The following TAFA2 variants were observed in gnomAD, a reference collection of about 807,000 sequenced individuals.
The protein encoded by TAFA2 is chemokine-like protein TAFA-2.
Under a neutral mutation model 18.8 loss-of-function variants are expected in TAFA2, and 7 were observed. The ratio of observed to expected loss-of-function variants is 0.37; its 90% CI spans 0.21 to 0.70. The LOEUF is 0.70. Among genes scored for constraint, TAFA2 ranks in the 30% least tolerant of loss-of-function variants. TAFA2 has a pLI of 0.53. For synonymous variants in TAFA2, 60 were observed against 54.2 expected (o/e 1.11, Z -0.47); for missense variants, 122 against 158.1 (o/e 0.77, Z 1.23).
intron 1 of TAFA2, among the ~76,000 whole-genome samples, chr12:62,040,902 C>A (rs1881739376): frequency 6.6e-6 from 1 of 152,108 alleles, no homozygotes. Flanking sequence ...TCTAAAATGA[C>A]CTTTCTGGTC....
At chr12:61,915,546 G>A (rs576110603) in intron 1 of TAFA2, among the ~76,000 whole-genome samples, 278 of 152,256 alleles carry the variant, frequency 1.8e-3, no homozygotes, top group African/African-American at 4.8e-3. Flanking sequence ...CGGCCAAGAG[G>A]TCTCACAATA....
At chr12:62,223,077 A>G (rs1025183989) in intron 1 of TAFA2, among the ~76,000 whole-genome samples, 1 of 152,252 alleles carries the variant, frequency 6.6e-6, no homozygotes, top group Non-Finnish European at 1.5e-5. Context: ...ATTAAAATAT[A>G]AAGTTTTCTT....
upstream of TAFA2, chr12:62,258,945 A>G (rs1036040679): frequency 5.5e-6 from 1 of 182,000 alleles, no homozygotes; most frequent in African/African-American, 2.4e-5. Context: ...GCAGTCACTG[A>G]AAGTTGTTTT....
chr12:61,744,313 C>T (rs1029471094), intron 4 of TAFA2, among the ~76,000 whole-genome samples: 16 of 152,078 alleles, frequency 1.1e-4, no homozygotes, highest in African/African-American at 3.9e-4. Flanking sequence ...TACAGATTAA[C>T]ACCTGGCTCA....
At chr12:61,991,047 A>G (rs186409328) in intron 1 of TAFA2, among the ~76,000 whole-genome samples, 4 of 152,350 alleles carry the variant, frequency 2.6e-5, no homozygotes, top group African/African-American at 7.2e-5. Flanking sequence ...TTAGAAGACA[A>G]TAAACTGAGA....
At chr12:62,079,015 A>G (rs1472430991) in intron 1 of TAFA2, among the ~76,000 whole-genome samples, 3 of 152,290 alleles carry the variant, frequency 2.0e-5, no homozygotes, top group Admixed American at 1.3e-4. Context: ...CTTAAAAACA[A>G]TTCTTTAGCT....
intron 4 of TAFA2, among the ~76,000 whole-genome samples, chr12:61,748,190 T>C (rs1259940576): frequency 6.6e-6 from 1 of 152,076 alleles, no homozygotes; most frequent in Admixed American, 6.6e-5. Flanking sequence ...AATCAAAACA[T>C]TATAATGCAA....
chr12:62,237,950 C>T (rs747951897), intron 1 of TAFA2, among the ~76,000 whole-genome samples: 8 of 152,214 alleles, frequency 5.3e-5, no homozygotes, highest in Non-Finnish European at 1.0e-4. Context: ...GCTTTTACGT[C>T]TCTGGCTGAG....
chr12:61,968,383 T>C (rs1258423344), intron 1 of TAFA2, among the ~76,000 whole-genome samples: 1 of 151,798 alleles, frequency 6.6e-6, no homozygotes, highest in African/African-American at 2.4e-5. Flanking sequence ...ATATGAATTG[T>C]AGTATAATAA....
chr12:62,116,616 T>C (rs976129811), intron 1 of TAFA2, among the ~76,000 whole-genome samples: 4 of 146,096 alleles, frequency 2.7e-5, no homozygotes, highest in Admixed American at 2.0e-4. Context: ...TTTCCTCTAA[T>C]TTTGGGTCTT....
intron 1 of TAFA2, among the ~76,000 whole-genome samples, chr12:62,181,153 CT>C (rs1196614113): frequency 1.3e-5 from 2 of 151,976 alleles, no homozygotes; most frequent in Non-Finnish European, 2.9e-5. Flanking sequence ...CCCCCGCCCC[CT>C]GAGTCTCTCT....
At chr12:62,022,284 C>G (rs1445694693) in intron 1 of TAFA2, 1 of 218,006 alleles carries the variant, frequency 4.6e-6, no homozygotes, top group African/African-American at 2.3e-5. Flanking sequence ...AACGGCAAGC[C>G]TTTGATGGGT....
intron 1 of TAFA2, among the ~76,000 whole-genome samples, chr12:62,064,735 A>G (rs1368787821): frequency 1.3e-5 from 2 of 152,084 alleles, no homozygotes; most frequent in Non-Finnish European, 2.9e-5. Context: ...CATAAGTGCT[A>G]TTAAGGTACA....
intron 1 of TAFA2, chr12:62,234,778 G>A: frequency 2.8e-6 from 3 of 1,057,238 alleles, no homozygotes; most frequent in South Asian, 2.5e-5. Context: ...TGTGGAGCAG[G>A]TCTGGGATGC....
chr12:62,022,802 CTGAG>C (rs1192111118), intron 1 of TAFA2, among the ~76,000 whole-genome samples: 4 of 152,250 alleles, frequency 2.6e-5, no homozygotes, highest in African/African-American at 7.2e-5. Context: ...CGATTATTGA[CTGAG>C]TGTCTATCAT....
intron 2 of TAFA2, among the ~76,000 whole-genome samples, chr12:61,799,672 A>C (rs1277736172): frequency 6.6e-6 from 1 of 152,080 alleles, no homozygotes. Context: ...AATACAAAAA[A>C]TTAGCCGGGC....
intron 2 of TAFA2, among the ~76,000 whole-genome samples, chr12:61,866,126 G>GA (rs907496450): frequency 4.6e-5 from 7 of 151,776 alleles, no homozygotes; most frequent in South Asian, 4.2e-4. Context: ...AAAAGGAGAA[G>GA]AAAAAATATA....
At chr12:62,170,044 T>C (rs1010746949) in intron 1 of TAFA2, among the ~76,000 whole-genome samples, 3 of 152,144 alleles carry the variant, frequency 2.0e-5, no homozygotes, top group African/African-American at 7.2e-5. Context: ...TTATATATTA[T>C]ATTGCTTTCC....
chr12:61,890,623 G>T (rs945780245), intron 1 of TAFA2, among the ~76,000 whole-genome samples: 1 of 152,168 alleles, frequency 6.6e-6, no homozygotes, highest in African/African-American at 2.4e-5. Flanking sequence ...AGCTACAGGG[G>T]GTTTAGCACA....
Sources: gnomAD v4.1 joint callset for allele counts (sites outside exome capture counted in the v4.1 genomes callset) on GRCh38, gnomAD v4.1.1 for gene constraint, MANE v1.5 for transcripts, NCBI Gene and HGNC (gene_info 2026-07-23, HGNC 2026-07-21) for gene names.